IGF1R: variants seen among roughly 807,000 people sequenced by gnomAD.
The protein encoded by IGF1R is insulin like growth factor 1 receptor.
A neutral mutation model predicts 144.6 loss-of-function variants in IGF1R; 44 were observed. The ratio of observed to expected loss-of-function variants is 0.30; its 90% CI spans 0.24 to 0.39. IGF1R has a LOEUF of 0.39. Among genes scored for constraint, IGF1R ranks in the 10% least tolerant of loss-of-function variants. The pLI, the probability that IGF1R is intolerant of heterozygous loss-of-function variation, is 1.00. For missense variants in IGF1R, 1,355 were observed against 1,833.7 expected (o/e 0.74, Z 4.77); for synonymous variants, 795 against 722.8 (o/e 1.10, Z -1.60).
chr15:98,729,148 A>G (rs2054436761), intron 2 of IGF1R, among the ~76,000 whole-genome samples: 1 of 152,262 alleles, frequency 6.6e-6, no homozygotes, highest in Non-Finnish European at 1.5e-5. Context: ...TCTGATTTAT[A>G]CATTTCCAAA....
At chr15:98,874,024 G>A (rs912923316) in intron 2 of IGF1R, among the ~76,000 whole-genome samples, 2 of 152,158 alleles carry the variant, frequency 1.3e-5, no homozygotes, top group African/African-American at 4.8e-5. Context: ...AGAGCCCTGC[G>A]GCGCTTCCTC....
intron 13 of IGF1R, among the ~76,000 whole-genome samples, chr15:98,929,052 A>G (rs2015838514): frequency 6.6e-6 from 1 of 152,158 alleles, no homozygotes; most frequent in South Asian, 2.1e-4. Flanking sequence ...AGAAATTTTC[A>G]TTCTATTTAT....
chr15:98,696,468 C>G (rs534370382), intron 1 of IGF1R, among the ~76,000 whole-genome samples: 3 of 152,290 alleles, frequency 2.0e-5, no homozygotes, highest in African/African-American at 7.2e-5. Context: ...ACAAAGAGAT[C>G]TTAGCAAGGC....
intron 1 of IGF1R, among the ~76,000 whole-genome samples, chr15:98,683,987 C>G (rs1165028438): frequency 6.6e-6 from 1 of 152,112 alleles, no homozygotes; most frequent in African/African-American, 2.4e-5. Flanking sequence ...GTAGGGCTGC[C>G]CTGAGCAGTA....
At position 98,904,138 on chromosome 15, in the gene IGF1R, C is replaced by T. The variant is rs558755541; in HGVS notation, c.1247+4517C>T. ...CGCTGTCTCGGATCACTGCAAGCTC[C>T]GCCTCCGGGTTCACACCATTCCCCT... On this transcript the variant is annotated intron_variant, in intron 5 of 20. Coordinates refer to ENST00000650285, the MANE Select transcript of IGF1R (RefSeq NM_000875.5). Among the ~76,000 whole-genome samples the T allele has an allele frequency of 6.6e-5, 10 of 151,382 alleles. No individual in the cohort carries two copies. The East Asian group carries it at 7.8e-4, about 12-fold the overall frequency.
At chr15:98,906,696 C>G (rs2014748030) in intron 5 of IGF1R, among the ~76,000 whole-genome samples, 1 of 152,198 alleles carries the variant, frequency 6.6e-6, no homozygotes, top group South Asian at 2.1e-4. Context: ...TGGACAATGT[C>G]TTATGCTGCT....
At chr15:98,865,627 C>G (rs2012395337) in intron 2 of IGF1R, among the ~76,000 whole-genome samples, 1 of 152,168 alleles carries the variant, frequency 6.6e-6, no homozygotes, top group African/African-American at 2.4e-5. Flanking sequence ...GTTTTTTTCT[C>G]TTTTAATTCT....
rs913132452 is a variant in IGF1R, at chr15:98,958,230, A to G, written c.*788A>G. Reference sequence around the variant, plus strand: ...TCTGACTAGATTATTATTTGGGGGAACTGGACACAATAGGTCTTTCTCTCA... The same window carrying G: ...TCTGACTAGATTATTATTTGGGGGAGCTGGACACAATAGGTCTTTCTCTCA... On this transcript the variant is annotated 3_prime_UTR_variant, in exon 21 of 21. Coordinates refer to ENST00000650285, the MANE Select transcript of IGF1R (RefSeq NM_000875.5). 1 of 231,256 alleles carries G rather than the reference A, an allele frequency of 4.3e-6. No individual in the cohort carries two copies. The highest frequency in any genetic ancestry group is 2.2e-5 in the African/African-American group (1 of 45,182). The allele number at this position is 231,256 out of a possible 1,614,324, so 14.3% of individuals were successfully genotyped here. A position where few individuals can be genotyped will look rare whatever the true frequency, so the allele number is the denominator to read the frequency against.
chr15:98,776,795 A>T (rs1352813476), intron 2 of IGF1R, among the ~76,000 whole-genome samples: 1 of 152,206 alleles, frequency 6.6e-6, no homozygotes, highest in Non-Finnish European at 1.5e-5. Flanking sequence ...TTTTCCACAG[A>T]TAAGCCCAAA....
intron 2 of IGF1R, among the ~76,000 whole-genome samples, chr15:98,871,233 T>G (rs2012769787): frequency 6.6e-6 from 1 of 152,236 alleles, no homozygotes; most frequent in Non-Finnish European, 1.5e-5. Context: ...TTGAGTAACC[T>G]CTGATTGAAC....
At chr15:98,650,701 G>T (rs1291690332) in intron 1 of IGF1R, among the ~76,000 whole-genome samples, 1 of 152,254 alleles carries the variant, frequency 6.6e-6, no homozygotes, top group Non-Finnish European at 1.5e-5. Flanking sequence ...GGTCTGCGGC[G>T]GCGCGGGGAG....
intron 5 of IGF1R, among the ~76,000 whole-genome samples, chr15:98,901,172 T>A (rs2014463651): frequency 6.6e-6 from 1 of 152,244 alleles, no homozygotes; most frequent in Admixed American, 6.5e-5. Context: ...GGTTGCGTGC[T>A]CAGGTGTTTG....
chr15:98,694,433 A>G (rs887937043), intron 1 of IGF1R, among the ~76,000 whole-genome samples: 3 of 151,986 alleles, frequency 2.0e-5, no homozygotes, highest in African/African-American at 4.8e-5. Flanking sequence ...GTGTGGCTCT[A>G]TGAACATCCC....
At chr15:98,856,865 A>T (rs2011848202) in intron 2 of IGF1R, among the ~76,000 whole-genome samples, 1 of 152,242 alleles carries the variant, frequency 6.6e-6, no homozygotes, top group Admixed American at 6.5e-5. Context: ...ACAGTAAAGA[A>T]ATACAAGTGT....
intron 2 of IGF1R, among the ~76,000 whole-genome samples, chr15:98,878,385 T>C (rs886842028): frequency 6.6e-6 from 1 of 152,204 alleles, no homozygotes; most frequent in Non-Finnish European, 1.5e-5. Context: ...TAGAATACTC[T>C]CTCAATTCCA....
intron 2 of IGF1R, chr15:98,890,290 A>T (rs939851066): frequency 2.6e-5 from 4 of 152,252 alleles, no homozygotes; most frequent in African/African-American, 9.6e-5. Context: ...AATACAGGTC[A>T]TAAAGACCTT....
intron 1 of IGF1R, among the ~76,000 whole-genome samples, chr15:98,699,550 CA>C (rs1175452593): frequency 1.3e-5 from 2 of 152,186 alleles, no homozygotes; most frequent in Non-Finnish European, 2.9e-5. Context: ...ACGGTTGTTA[CA>C]AATACAGCTC....
Position 98,649,270 on chromosome 15 carries a change from T to C in IGF1R, c.-312T>C, listed in dbSNP as rs1315540301. 4 of 213,726 alleles carry C rather than the reference T, an allele frequency of 1.9e-5. No individual in the cohort carries two copies. The highest frequency in any genetic ancestry group is 5.9e-5 in the Admixed American group (1 of 17,010). 13.2% of individuals were successfully genotyped at this position (213,726 alleles called of 1,614,324 possible). A position where few individuals can be genotyped will look rare whatever the true frequency, so the allele number is the denominator to read the frequency against. On this transcript the variant is annotated 5_prime_UTR_variant, in exon 1 of 21. Transcript: ENST00000650285. ...TGCAGTTTTCCCCCCTTCCTGCCTCTCCGGGTTTGAAAATGGAGGCCGACG... is the reference window on the plus strand; with the variant it reads ...TGCAGTTTTCCCCCCTTCCTGCCTCCCCGGGTTTGAAAATGGAGGCCGACG...
intron 1 of IGF1R, among the ~76,000 whole-genome samples, chr15:98,692,868 G>A (rs1353625834): frequency 2.6e-5 from 4 of 152,062 alleles, no homozygotes; most frequent in African/African-American, 9.7e-5. Context: ...AGCCACCCCC[G>A]CCCTAGATAG....
Sources: allele counts gnomAD v4.1 joint callset (sites outside exome capture counted in the v4.1 genomes callset), GRCh38; gene constraint gnomAD v4.1.1; transcripts MANE v1.5; gene names NCBI Gene and HGNC (gene_info 2026-07-23, HGNC 2026-07-21).